The following ADGRL1 variants were observed in gnomAD, a reference collection of about 807,000 sequenced individuals.
ADGRL1 encodes the protein adhesion G protein-coupled receptor L1.
A neutral mutation model predicts 148.9 loss-of-function variants in ADGRL1; 31 were observed. That is an observed-to-expected ratio of 0.21 (90% confidence interval 0.16 to 0.28). ADGRL1 has a LOEUF of 0.28. Among genes scored for constraint, ADGRL1 ranks in the 10% least tolerant of loss-of-function variants. The pLI is 1.00. For synonymous variants in ADGRL1, 937 were observed against 900.3 expected (o/e 1.04, Z -0.73); for missense variants, 1,521 against 2,058.8 (o/e 0.74, Z 5.05).
intron 1 of ADGRL1, among the ~76,000 whole-genome samples, chr19:14,195,967 C>G (rs868357444): frequency 6.6e-6 from 1 of 152,154 alleles, no homozygotes; most frequent in African/African-American, 2.4e-5. Context: ...TCCTGGATCC[C>G]TCTCCCCTCA....
chr19:14,172,283 G>A (rs949951707), intron 3 of ADGRL1, among the ~76,000 whole-genome samples: 3 of 152,146 alleles, frequency 2.0e-5, no homozygotes, highest in Non-Finnish European at 4.4e-5. Context: ...CTAGCCAGGC[G>A]TGGTGGTGCA....
chr19:14,162,484 C>T lies in ADGRL1; in HGVS notation c.1195+122G>A, dbSNP rs1969495012. ...GCGTCTGTCACATGCTGTGAATTTC[C>T]TTTACCTCCCGATCCCCAAGAGCTC... is the stretch of plus-strand genomic sequence containing the variant. On this transcript the variant is annotated intron_variant, in intron 5 of 22. Transcript: ENST00000361434. The surrounding 1 kb of genome is among the most constrained non-coding windows in gnomAD (Gnocchi z 5.4). The T allele has an allele frequency of 1.2e-6, 1 of 824,666 alleles. No individual in the cohort carries two copies. Among genetic ancestry groups the T allele is most frequent in the Non-Finnish European group, 1.9e-6 (1 of 520,458 alleles). The allele number at this position is 824,666 out of a possible 1,614,324, so 51.1% of individuals were successfully genotyped here.
At chr19:14,158,097 G>A (rs774529964) in intron 12 of ADGRL1, 45 bp from the exon 13 acceptor site, 69 of 1,597,392 alleles carry the variant, frequency 4.3e-5, no homozygotes, top group Non-Finnish European at 5.1e-5. Context: ...AGTCAGAACC[G>A]GGGAGTCCCA....
chr19:14,150,803 C>CT lies in ADGRL1; in HGVS notation c.*69dup. 6.5e-7 allele frequency: 1 copy of CT among 1,547,706 alleles called. No homozygotes were observed. The highest frequency in any genetic ancestry group is 8.7e-7 in the Non-Finnish European group (1 of 1,146,932). On this transcript the variant is annotated 3_prime_UTR_variant, in exon 23 of 23. Coordinates refer to ENST00000361434, the MANE Select transcript of ADGRL1 (RefSeq NM_014921.5). ...AGCCACTGCCTCCATCTGTCTCCCT[C>CT]TCCCACCAGAGCCCTGCCCAGGGTT...
intron 3 of ADGRL1, among the ~76,000 whole-genome samples, chr19:14,173,065 T>A (rs2144904232): frequency 6.6e-6 from 1 of 152,218 alleles, no homozygotes; most frequent in African/African-American, 2.4e-5. Flanking sequence ...GCTCAAGTGA[T>A]CCTCCAGCCT....
Position 14,156,859 on chromosome 19 carries a change from G to T in ADGRL1, c.2966+66C>A, listed in dbSNP as rs1568571785. ...AGGGACTACCGCCCTGAGGGTCCTG[G>T]TCCAAGGGGTGCCGCCCAGCAGGGA... On this transcript the variant is annotated intron_variant, in intron 15 of 22. Transcript: ENST00000361434. 1.9e-6 allele frequency: 3 copies of T among 1,568,282 alleles called. No individual in the cohort carries two copies. The East Asian group carries it at 6.9e-5, about 36-fold the overall frequency.
intron 1 of ADGRL1, among the ~76,000 whole-genome samples, chr19:14,196,155 A>G (rs2145142207): frequency 6.6e-6 from 1 of 152,000 alleles, no homozygotes; most frequent in South Asian, 2.1e-4. Context: ...TCCAATCTCT[A>G]CCTCGAGGCG....
Position 14,178,424 on chromosome 19 carries a change from C to G in ADGRL1, c.71-680G>C, listed in dbSNP as rs1005159283. 1.1e-4 allele frequency among the ~76,000 whole-genome samples: 16 copies of G among 151,958 alleles called. 1 individual carries two copies. Among genetic ancestry groups the G allele is most frequent in the African/African-American group, 3.9e-4 (16 of 41,508 alleles). On this transcript the variant is annotated intron_variant, in intron 2 of 22. Transcript: ENST00000361434. ...GGAGGCTGAGGTGGGAGGATCACCT[C>G]AGCCCAGGAGGTTGAGGCTCCAGTA...
chr19:14,152,293 T>C lies in ADGRL1; in HGVS notation c.3649+16A>G, dbSNP rs771144537. On this transcript the variant is annotated intron_variant, in intron 21 of 22. Transcript: ENST00000361434. This position sits in a 1 kb window ranked among gnomAD's most constrained non-coding sequence, Gnocchi z 6.1. ...CCTCCATTTCCCAACCTGGGATGTT[T>C]CCCCCGTGCTCTCACCTGGGGAGTT... The C allele has an allele frequency of 1.0e-5, 16 of 1,602,262 alleles. No individual in the cohort carries two copies. In the Admixed American group the frequency reaches 1.9e-4, roughly 19 times the overall value.
At chr19:14,190,078 C>T (rs1013860479) in intron 1 of ADGRL1, among the ~76,000 whole-genome samples, 1 of 152,124 alleles carries the variant, frequency 6.6e-6, no homozygotes, top group African/African-American at 2.4e-5. Context: ...CGGGTGGGCA[C>T]CACCGTGCCT....
At position 14,174,999 on chromosome 19, in the gene ADGRL1, T is replaced by C. The variant is rs540467288; in HGVS notation, c.284+2532A>G. ...TGGGACCACAGGCACACACCATGAC[T>C]GGCTAATTTATTTTTTAGTTTCTAG... On this transcript the variant is annotated intron_variant, in intron 3 of 22. Transcript: ENST00000361434. Among the ~76,000 whole-genome samples, 15 of 151,970 alleles carry C rather than the reference T, an allele frequency of 9.9e-5. 1 individual carries two copies. The South Asian group carries it at 2.5e-3, about 25-fold the overall frequency.
At position 14,156,908 on chromosome 19, in the gene ADGRL1, G is replaced by T. The variant is rs1427217614; in HGVS notation, c.2966+17C>A. On this transcript the variant is annotated intron_variant, in intron 15 of 22. Transcript: ENST00000361434. ...GAACCAGGTGGGAGGGTGCAGGGCTGGGAGGTGGAAACTCACGCCTTCTCG... is the reference window on the plus strand; with the variant it reads ...GAACCAGGTGGGAGGGTGCAGGGCTTGGAGGTGGAAACTCACGCCTTCTCG... The T allele has an allele frequency of 1.2e-6, 2 of 1,606,496 alleles. No individual in the cohort carries two copies. The highest frequency in any genetic ancestry group is 8.5e-7 in the Non-Finnish European group (1 of 1,178,706).
intron 1 of ADGRL1, among the ~76,000 whole-genome samples, 169 bp from the exon 2 acceptor site, chr19:14,183,866 C>T (rs576741470): frequency 1.3e-5 from 2 of 152,294 alleles, no homozygotes; most frequent in East Asian, 1.9e-4. Context: ...CACCCCCCAC[C>T]CTTACACCCA....
intron 18 of ADGRL1, among the ~76,000 whole-genome samples, chr19:14,153,430 T>C (rs1968414426): frequency 6.7e-6 from 1 of 149,118 alleles, no homozygotes; most frequent in African/African-American, 2.5e-5. Context: ...TTTTTTTTTT[T>C]TTTGAGATGG....
At chr19:14,196,212 G>A (rs931512696) in intron 1 of ADGRL1, among the ~76,000 whole-genome samples, 4 of 152,186 alleles carry the variant, frequency 2.6e-5, no homozygotes, top group African/African-American at 9.7e-5. Context: ...GTTTCCCCCA[G>A]GGCCACCAGA....
chr19:14,156,681 C>A lies in ADGRL1; in HGVS notation c.3010G>T (p.Gly1004Trp). The change falls in exon 16 of 23, where the codon GGG becomes TGG. Residue 1004 changes from glycine to tryptophan, a missense_variant. By Grantham distance (184) the Gly-to-Trp change is radical. Around this residue, in one of 8 missense-constraint regions of ADGRL1, gnomAD observed 185 missense variants for 251.7 expected, o/e 0.74. Transcript: ENST00000361434. ...VDNYFIWSFI[G>W]PVSFVIVVNL... ...ACCACGATAACGAAGGAGACTGGCC[C>A]GATGAAACTCCAGATGAAGTAATTG... is the stretch of plus-strand genomic sequence containing the variant. 1 of 1,611,460 alleles carries A rather than the reference C, an allele frequency of 6.2e-7. No individual in the cohort carries two copies. Among genetic ancestry groups the A allele is most frequent in the East Asian group, 2.2e-5 (1 of 44,780 alleles).
chr19:14,203,965 G>C (rs540185024), intron 1 of ADGRL1, among the ~76,000 whole-genome samples: 3 of 152,270 alleles, frequency 2.0e-5, no homozygotes, highest in Admixed American at 6.5e-5. Flanking sequence ...GTAGGAAGAT[G>C]GTGGCAAGAC....
intron 4 of ADGRL1, chr19:14,169,332 G>C (rs1206345381): frequency 6.6e-6 from 1 of 152,248 alleles, no homozygotes; most frequent in African/African-American, 2.4e-5. Flanking sequence ...ATTTGCTCAA[G>C]GTTTCAGAGC....
chr19:14,192,239 TATTTATTTA>T (rs1420178163), intron 1 of ADGRL1, among the ~76,000 whole-genome samples: 2 of 10,558 alleles, frequency 1.9e-4, no homozygotes, highest in African/African-American at 3.1e-3. Flanking sequence ...TATTTTATTT[TATTTATTTA>T]TTTATTTTTT....
Sources: allele counts gnomAD v4.1 joint callset (sites outside exome capture counted in the v4.1 genomes callset), GRCh38; gene constraint gnomAD v4.1.1; regional missense constraint gnomAD v4.1.1; non-coding constraint Gnocchi (gnomAD v3.1); transcripts MANE v1.5; gene names NCBI Gene and HGNC (gene_info 2026-07-23, HGNC 2026-07-21).